Variants in BACE2 observed in about 807,000 individuals in gnomAD.
BACE2 encodes the protein beta-secretase 2, also known as 56 kDa aspartic-like protease.
In BACE2, 17 loss-of-function variants were observed where a neutral mutation model predicts 46.2. The observed-to-expected ratio is 0.37, with a 90% CI of 0.25 to 0.55. The LOEUF (loss-of-function observed/expected upper bound fraction) is 0.55. Ranked by LOEUF, BACE2 falls within the 20% of genes least tolerant of loss-of-function variation. The pLI, the probability that BACE2 is intolerant of heterozygous loss-of-function variation, is 0.82. For synonymous variants in BACE2, 277 were observed against 295.9 expected, an observed-to-expected ratio of 0.94 and a Z score of 0.66; for missense variants, 595 against 698.1, an observed-to-expected ratio of 0.85 and a Z score of 1.66.
At chr21:41,200,724 CAG>C (rs1460782513) in intron 1 of BACE2, among the ~76,000 whole-genome samples, 6 of 152,112 alleles carry the variant, frequency 3.9e-5, no homozygotes, top group Non-Finnish European at 5.9e-5. Context: ...ATAGGACATG[CAG>C]AGAGACACCA....
At chr21:41,226,794 CT>C (rs955427043) in intron 2 of BACE2, among the ~76,000 whole-genome samples, 1 of 152,194 alleles carries the variant, frequency 6.6e-6, no homozygotes, top group African/African-American at 2.4e-5. Flanking sequence ...GGAAACCCAC[CT>C]TTGCATAGTT....
intron 1 of BACE2, among the ~76,000 whole-genome samples, chr21:41,192,243 T>C (rs1321763365): frequency 6.6e-6 from 1 of 152,152 alleles, no homozygotes; most frequent in Non-Finnish European, 1.5e-5. Context: ...CAGCTGATCA[T>C]AGGGAACTCC....
chr21:41,240,913 T>G (rs1987268347), intron 3 of BACE2, among the ~76,000 whole-genome samples: 1 of 152,150 alleles, frequency 6.6e-6, no homozygotes, highest in Admixed American at 6.6e-5. Context: ...AAATAATCAT[T>G]CCTGTGAATG....
chr21:41,259,354 A>G (rs114883351), intron 8 of BACE2, among the ~76,000 whole-genome samples: 1,767 of 152,258 alleles, frequency 0.012, 24 homozygotes, highest in African/African-American at 0.037. Context: ...TTTCGCCATT[A>G]AAGTAATTAC....
chr21:41,223,250 G>A (rs1986711128), intron 1 of BACE2, among the ~76,000 whole-genome samples: 1 of 152,000 alleles, frequency 6.6e-6, no homozygotes, highest in Non-Finnish European at 1.5e-5. Context: ...CAGCTACTTT[G>A]GAGGCTGAGG....
At chr21:41,234,228 T>C (rs1987049400) in intron 2 of BACE2, among the ~76,000 whole-genome samples, 1 of 152,164 alleles carries the variant, frequency 6.6e-6, no homozygotes, top group South Asian at 2.1e-4. Context: ...AGACATGCCT[T>C]TCACCTTCCA....
At chr21:41,174,774 C>T (rs778188856) in intron 1 of BACE2, among the ~76,000 whole-genome samples, 2 of 152,174 alleles carry the variant, frequency 1.3e-5, no homozygotes, top group African/African-American at 4.8e-5. Context: ...CTGTGAGCCT[C>T]TGCCTGTCCT....
chr21:41,237,517 A>G lies in BACE2; in HGVS notation c.406A>G (p.Ser136Gly). ...GCTTTTCTTTTCTTTCTCCAGGTCT[A>G]GCACATACCGCTCCAAGGGCTTTGA... Reference protein sequence around the residue: ...IDTYFDTERSSTYRSKGFDVT... With the variant: ...IDTYFDTERSGTYRSKGFDVT... Residue 136 changes from serine (S) to glycine (G), a missense_variant, in exon 3 of 9, where the codon AGC becomes GGC. By Grantham distance (56) the Ser-to-Gly change is moderately conservative. Around this residue, in one of 3 missense-constraint regions of BACE2, gnomAD observed 248 missense variants for 261.4 expected, o/e 0.95. Coordinates refer to ENST00000330333, the MANE Select transcript of BACE2 (RefSeq NM_012105.5). 1 of 1,613,230 alleles carries G rather than the reference A, an allele frequency of 6.2e-7. No individual in the cohort carries two copies. The highest frequency in any genetic ancestry group is 8.5e-7 in the Non-Finnish European group (1 of 1,179,134).
intron 1 of BACE2, among the ~76,000 whole-genome samples, chr21:41,191,547 A>T (rs1170611528): frequency 6.6e-6 from 1 of 152,046 alleles, no homozygotes; most frequent in Non-Finnish European, 1.5e-5. Flanking sequence ...AATATAATCA[A>T]CCTGCTACCA....
At chr21:41,237,757 A>C in intron 3 of BACE2, 28 bp downstream of exon 3, 1 of 1,568,356 alleles carries the variant, frequency 6.4e-7, no homozygotes, top group Non-Finnish European at 8.8e-7. Context: ...ATTTAAGGAA[A>C]TCAAATAACA....
chr21:41,273,308 A>G (rs1163580370), intron 8 of BACE2, among the ~76,000 whole-genome samples: 2 of 152,204 alleles, frequency 1.3e-5, no homozygotes, highest in Non-Finnish European at 2.9e-5. Flanking sequence ...AAAATTTATT[A>G]GGCGGAAATT....
intron 1 of BACE2, among the ~76,000 whole-genome samples, chr21:41,213,163 G>C (rs1054070313): frequency 6.6e-6 from 1 of 152,170 alleles, no homozygotes; most frequent in Admixed American, 6.5e-5. Flanking sequence ...CTAAGAAGAA[G>C]AGCTTTGTCC....
intron 6 of BACE2, among the ~76,000 whole-genome samples, chr21:41,247,668 G>A (rs1192365090): frequency 3.3e-5 from 5 of 152,382 alleles, no homozygotes; most frequent in African/African-American, 4.8e-5. Flanking sequence ...CGGCGGGGCC[G>A]TGGGGCGCTC....
At chr21:41,215,284 T>G (rs17000668) in intron 1 of BACE2, among the ~76,000 whole-genome samples, 5,411 of 152,048 alleles carry the variant, frequency 0.036, 315 homozygotes, top group African/African-American at 0.12. Flanking sequence ...CGAGAAGAAA[T>G]TAGCCACTGA....
At chr21:41,259,188 T>C (rs1312051283) in intron 8 of BACE2, among the ~76,000 whole-genome samples, 1 of 152,232 alleles carries the variant, frequency 6.6e-6, no homozygotes, top group Non-Finnish European at 1.5e-5. Flanking sequence ...CAACTTTTTT[T>C]TCCCTGAATT....
At chr21:41,238,925 C>T (rs1434511537) in intron 3 of BACE2, among the ~76,000 whole-genome samples, 1 of 131,750 alleles carries the variant, frequency 7.6e-6, no homozygotes. Flanking sequence ...GCACAATGTG[C>T]ACATGTACCC....
At chr21:41,179,056 G>A (rs1984968489) in intron 1 of BACE2, 2 of 1,134,772 alleles carry the variant, frequency 1.8e-6, no homozygotes, top group Non-Finnish European at 2.3e-6. Flanking sequence ...AGCCAGGGAG[G>A]TGAAGACTTG....
intron 1 of BACE2, among the ~76,000 whole-genome samples, chr21:41,203,485 A>C (rs1295250280): frequency 1.3e-5 from 2 of 152,044 alleles, no homozygotes; most frequent in African/African-American, 2.4e-5. Context: ...GGCTTGAGGA[A>C]GGTGGGGGAG....
rs1986932675 is a variant in BACE2 at position 41,230,169 on chromosome 21, G to GT, written c.401+3816dup. On this transcript the variant is annotated intron_variant, in intron 2 of 8. Transcript: ENST00000330333. ...CAAGAGACCATTCTTCAACAGAACT[G>GT]TAAGGTTTCTTCTTGGCTGAATCAG... 5 of 152,332 alleles carry GT rather than the reference G, an allele frequency of 3.3e-5. No homozygotes were observed. The South Asian group carries it at 1.0e-3, about 32-fold the overall frequency. 9.4% of individuals were successfully genotyped at this position (152,332 alleles called of 1,614,324 possible). A position where few individuals can be genotyped will look rare whatever the true frequency, so the allele number is the denominator to read the frequency against.
Sources: allele counts gnomAD v4.1 joint callset (sites outside exome capture counted in the v4.1 genomes callset), GRCh38; gene constraint gnomAD v4.1.1; regional missense constraint gnomAD v4.1.1; transcripts MANE v1.5; gene names NCBI Gene and HGNC (gene_info 2026-07-23, HGNC 2026-07-21).